Variants in KCNQ3 observed in about 807,000 individuals in gnomAD.
The protein encoded by KCNQ3 is potassium voltage-gated channel subfamily KQT member 3.
Under a neutral mutation model 92.5 loss-of-function variants are expected in KCNQ3, and 30 were observed. That is an observed-to-expected ratio of 0.32 (90% confidence interval 0.24 to 0.44). KCNQ3 has a LOEUF of 0.44. KCNQ3 is among the 20% of genes least tolerant of loss of function. The pLI is 1.00. For synonymous variants in KCNQ3, 450 were observed against 468.8 expected, an observed-to-expected ratio of 0.96 and a Z score of 0.52; for missense variants, 913 against 1,140.3, an observed-to-expected ratio of 0.80 and a Z score of 2.87.
intron 5 of KCNQ3, among the ~76,000 whole-genome samples, chr8:132,174,969 G>A (rs1563788285): frequency 6.6e-6 from 1 of 152,198 alleles, no homozygotes; most frequent in Non-Finnish European, 1.5e-5. Flanking sequence ...TTTAAAAAGA[G>A]CTAATGATAG....
At chr8:132,268,155 T>C (rs1297858088) in intron 1 of KCNQ3, among the ~76,000 whole-genome samples, 3 of 152,238 alleles carry the variant, frequency 2.0e-5, no homozygotes, top group Non-Finnish European at 4.4e-5. Context: ...TTCTATCTCT[T>C]CTAGAATGTC....
At chr8:132,160,751 A>G (rs561902153) in intron 9 of KCNQ3, among the ~76,000 whole-genome samples, 2 of 152,226 alleles carry the variant, frequency 1.3e-5, no homozygotes, top group Admixed American at 6.5e-5. Context: ...TTGAATTCTT[A>G]CAATGAGTGG....
chr8:132,420,092 G>C (rs1054555027), intron 1 of KCNQ3, among the ~76,000 whole-genome samples: 1 of 152,128 alleles, frequency 6.6e-6, no homozygotes, highest in African/African-American at 2.4e-5. Context: ...CTCTTCTGGG[G>C]TGCAGACTGA....
intron 1 of KCNQ3, among the ~76,000 whole-genome samples, chr8:132,365,450 T>G (rs1019581681): frequency 2.0e-5 from 3 of 152,228 alleles, no homozygotes; most frequent in Admixed American, 2.0e-4. Flanking sequence ...ACCATCTGCT[T>G]CCAGTTGCTT....
chr8:132,400,736 T>C lies in KCNQ3; in HGVS notation c.386+79411A>G, dbSNP rs527548147. On this transcript the variant is annotated intron_variant, in intron 1 of 14. Coordinates refer to ENST00000388996, the MANE Select transcript of KCNQ3 (RefSeq NM_004519.4). ...ATAGTGGGAAACAGCGTATAAAGAATCAGAGTGGTGAGGCCCTCCAGCAGT... is the reference window on the plus strand; with the variant it reads ...ATAGTGGGAAACAGCGTATAAAGAACCAGAGTGGTGAGGCCCTCCAGCAGT... Among the ~76,000 whole-genome samples the C allele has an allele frequency of 3.9e-5, 6 of 152,358 alleles. No individual in the cohort carries two copies. The South Asian group carries it at 1.2e-3, about 32-fold the overall frequency.
At chr8:132,324,030 G>T (rs981516738) in intron 1 of KCNQ3, among the ~76,000 whole-genome samples, 1 of 152,078 alleles carries the variant, frequency 6.6e-6, no homozygotes, top group East Asian at 1.9e-4. Context: ...CACTGCTTAC[G>T]GTTTCTCTGA....
At position 132,364,861 on chromosome 8, in the gene KCNQ3, G is replaced by C. The variant is rs892557977; in HGVS notation, c.386+115286C>G. Among the ~76,000 whole-genome samples the C allele has an allele frequency of 4.6e-5, 7 of 151,890 alleles. No individual in the cohort carries two copies. In the East Asian group the frequency reaches 1.2e-3, roughly 25 times the overall value. On this transcript the variant is annotated intron_variant, in intron 1 of 14. Transcript: ENST00000388996. Reference sequence around the variant, plus strand: ...TGATAAATTTCCTAAGTATTTTTGGGGTATATTTAATTTAACCCTTTCAAC... The same window carrying C: ...TGATAAATTTCCTAAGTATTTTTGGCGTATATTTAATTTAACCCTTTCAAC...
chr8:132,288,054 AT>A (rs1339330041), intron 1 of KCNQ3, among the ~76,000 whole-genome samples: 1 of 152,200 alleles, frequency 6.6e-6, no homozygotes, highest in Non-Finnish European at 1.5e-5. Flanking sequence ...TTCTTCTTGT[AT>A]GCATAAGTTA....
chr8:132,250,218 G>C (rs1815357043), intron 1 of KCNQ3, among the ~76,000 whole-genome samples: 1 of 152,206 alleles, frequency 6.6e-6, no homozygotes, highest in South Asian at 2.1e-4. Flanking sequence ...CTCACTGGTA[G>C]CAGTCTTGCC....
In KCNQ3 at chr8:132,174,264, C is replaced by A. The variant is rs2130128165; in HGVS notation, c.1019G>T (p.Gly340Val). 6.4e-7 allele frequency: 1 copy of A among 1,551,476 alleles called. No individual in the cohort carries two copies. The highest frequency in any genetic ancestry group is 8.7e-7 in the Non-Finnish European group (1 of 1,147,050). ...CGCTGGAAGGGCAAAAAAGGAGACG[C>A]CAATTAAGGAAAAGGTGGCGGCAAT... ...RLIAATFSLIGVSFFALPAGI... is the reference protein window; with the variant it reads ...RLIAATFSLIVVSFFALPAGI... The change falls in exon 6 of 15, where the codon GGC becomes GTC. Residue 340 changes from glycine (G) to valine (V), a missense_variant. Physicochemically the swap from Gly to Val is moderately radical, Grantham distance 109. This residue lies in a region of KCNQ3 where 52 missense variants were observed against 127.7 expected (regional missense o/e 0.41). Transcript: ENST00000388996.
At chr8:132,262,702 A>T (rs1188388747) in intron 1 of KCNQ3, among the ~76,000 whole-genome samples, 3 of 151,692 alleles carry the variant, frequency 2.0e-5, no homozygotes, top group Non-Finnish European at 4.4e-5. Flanking sequence ...GGTGGGATCA[A>T]AAAACAGAAG....
intron 1 of KCNQ3, among the ~76,000 whole-genome samples, chr8:132,239,556 G>A (rs1444218946): frequency 6.6e-6 from 1 of 152,182 alleles, no homozygotes; most frequent in Non-Finnish European, 1.5e-5. Context: ...GTATGTTAAC[G>A]TTGAAACCAA....
intron 1 of KCNQ3, among the ~76,000 whole-genome samples, chr8:132,453,222 A>T (rs1430257517): frequency 6.6e-6 from 1 of 152,186 alleles, no homozygotes; most frequent in Non-Finnish European, 1.5e-5. Flanking sequence ...GGGCTGGATC[A>T]TCTGGGGCCT....
intron 1 of KCNQ3, among the ~76,000 whole-genome samples, chr8:132,291,041 G>A (rs894632016): frequency 1.3e-5 from 2 of 152,170 alleles, no homozygotes; most frequent in Admixed American, 6.5e-5. Context: ...GTACAATTGC[G>A]ACTGGAAACT....
In KCNQ3 at chr8:132,333,017, TTGGATGGA is replaced by T. The variant is rs3049635; in HGVS notation, c.387-146844_387-146837del. The stretch of plus-strand genomic sequence containing the variant: ...CAGAGTGAGAGGATGGATGAATGGA[TTGGATGGA>T]TGGATGGATGGATGGATGGATGGAT... On this transcript the variant is annotated intron_variant, in intron 1 of 14. Transcript: ENST00000388996. Among the ~76,000 whole-genome samples the T allele has an allele frequency of 1.1e-3, 171 of 149,938 alleles. 2 individuals are homozygous for T. The highest frequency in any genetic ancestry group is 3.5e-3 in the Middle Eastern group (1 of 288).
At chr8:132,307,387 C>A (rs542192436) in intron 1 of KCNQ3, among the ~76,000 whole-genome samples, 94 of 152,288 alleles carry the variant, frequency 6.2e-4, no homozygotes, top group Middle Eastern at 3.4e-3. Flanking sequence ...CTAGTGGTCA[C>A]CCCAGTGATA....
Position 132,423,519 on chromosome 8 carries a change from C to T in KCNQ3, c.386+56628G>A, listed in dbSNP as rs884200. Among the ~76,000 whole-genome samples the T allele has an allele frequency of 1.5e-4, 23 of 152,328 alleles. No individual in the cohort carries two copies. In the East Asian group the frequency reaches 4.4e-3, roughly 29 times the overall value. On this transcript the variant is annotated intron_variant, in intron 1 of 14. Coordinates refer to ENST00000388996, the MANE Select transcript of KCNQ3 (RefSeq NM_004519.4). ...ACTCTATGGCCATAAGAGATGGCCA[C>T]AAAACAGTTACTTAACCTCCCCATG...
chr8:132,362,138 C>T (rs531192359), intron 1 of KCNQ3, among the ~76,000 whole-genome samples: 9 of 151,982 alleles, frequency 5.9e-5, no homozygotes, highest in South Asian at 4.2e-4. Flanking sequence ...TGTGGCTTGA[C>T]GATTTTCTTT....
chr8:132,368,067 G>A (rs1190015316), intron 1 of KCNQ3, among the ~76,000 whole-genome samples: 1 of 152,130 alleles, frequency 6.6e-6, no homozygotes, highest in Non-Finnish European at 1.5e-5. Context: ...CCTTTCACAG[G>A]AGATATGTGA....
Sources: allele counts gnomAD v4.1 joint callset (sites outside exome capture counted in the v4.1 genomes callset), GRCh38; gene constraint gnomAD v4.1.1; regional missense constraint gnomAD v4.1.1; transcripts MANE v1.5; gene names NCBI Gene and HGNC (gene_info 2026-07-23, HGNC 2026-07-21).